RORA: variants seen among roughly 807,000 people sequenced by gnomAD.
The protein encoded by RORA is nuclear receptor ROR-alpha.
RORA carries 7 observed loss-of-function variants against 69.5 expected under a neutral mutation model. The ratio of observed to expected loss-of-function variants is 0.10; its 90% CI spans 0.06 to 0.19. RORA has a LOEUF of 0.19. RORA is among the 10% of genes least tolerant of loss of function. The pLI is 1.00. For missense variants in RORA, 457 were observed against 663.0 expected, an observed-to-expected ratio of 0.69 and a Z score of 3.41; for synonymous variants, 261 against 240.8, an observed-to-expected ratio of 1.08 and a Z score of -0.78.
At chr15:61,088,273 G>C (rs1046699441) in intron 1 of RORA, among the ~76,000 whole-genome samples, 1 of 152,212 alleles carries the variant, frequency 6.6e-6, no homozygotes, top group African/African-American at 2.4e-5. Flanking sequence ...CCTGTACAAA[G>C]TCTTGAAGGG....
At chr15:60,635,183 T>A (rs1201252974) in intron 2 of RORA, among the ~76,000 whole-genome samples, 5 of 152,210 alleles carry the variant, frequency 3.3e-5, no homozygotes, top group Non-Finnish European at 1.5e-5. Flanking sequence ...GCCCTCAAAT[T>A]GCAATTTAAG....
intron 2 of RORA, among the ~76,000 whole-genome samples, chr15:60,585,411 T>A (rs1308102749): frequency 6.6e-6 from 1 of 152,210 alleles, no homozygotes; most frequent in South Asian, 2.1e-4. Context: ...GATCTAACCA[T>A]AAATCTTCAG....
At chr15:60,748,316 AAAAAAAAAAC>A (rs1480898203) in intron 1 of RORA, among the ~76,000 whole-genome samples, 2 of 89,246 alleles carry the variant, frequency 2.2e-5, no homozygotes, top group Non-Finnish European at 5.0e-5. Flanking sequence ...AGCGAAAAAA[AAAAAAAAAAC>A]ACACACACAT....
At chr15:60,933,119 G>A (rs998168695) in intron 1 of RORA, among the ~76,000 whole-genome samples, 2 of 152,114 alleles carry the variant, frequency 1.3e-5, no homozygotes, top group African/African-American at 4.8e-5. Context: ...TGGGCCTCAA[G>A]TATTACCCAT....
At chr15:60,880,447 G>A (rs572940438) in intron 1 of RORA, among the ~76,000 whole-genome samples, 3 of 152,102 alleles carry the variant, frequency 2.0e-5, no homozygotes, top group East Asian at 3.9e-4. Context: ...GAGACCGTCC[G>A]GGCCAACACG....
intron 1 of RORA, among the ~76,000 whole-genome samples, chr15:60,900,238 T>A (rs60523084): frequency 0.13 from 18,395 of 146,212 alleles, 1,180 homozygotes; most frequent in Non-Finnish European, 0.15. Context: ...GTCACATCAT[T>A]AGGAGAAAAG....
chr15:61,172,879 T>C (rs1056930649), intron 1 of RORA, among the ~76,000 whole-genome samples: 9 of 152,184 alleles, frequency 5.9e-5, no homozygotes, highest in Non-Finnish European at 8.8e-5. Flanking sequence ...CTGCTGTAGA[T>C]GCTGTGTCCA....
At chr15:60,705,194 A>G (rs2071044215) in intron 1 of RORA, among the ~76,000 whole-genome samples, 2 of 152,014 alleles carry the variant, frequency 1.3e-5, no homozygotes, top group Admixed American at 6.6e-5. Context: ...GGTGGTTTTT[A>G]TTGTTATCCA....
At chr15:60,723,995 C>T (rs2071325691) in intron 1 of RORA, among the ~76,000 whole-genome samples, 1 of 152,184 alleles carries the variant, frequency 6.6e-6, no homozygotes, top group South Asian at 2.1e-4. Context: ...TGTTAATTCC[C>T]TTAAGGCTTA....
chr15:61,202,865 T>C (rs910396972), intron 1 of RORA, among the ~76,000 whole-genome samples: 1 of 152,180 alleles, frequency 6.6e-6, no homozygotes, highest in Non-Finnish European at 1.5e-5. Flanking sequence ...GGCTCTGAAT[T>C]TCCACTACCC....
intron 1 of RORA, among the ~76,000 whole-genome samples, chr15:61,050,328 C>T (rs1241006567): frequency 6.6e-6 from 1 of 152,176 alleles, no homozygotes; most frequent in African/African-American, 2.4e-5. Flanking sequence ...ACTTTGTCCT[C>T]TGAAATATAG....
At chr15:60,610,531 A>G (rs1236575984) in intron 2 of RORA, among the ~76,000 whole-genome samples, 1 of 152,196 alleles carries the variant, frequency 6.6e-6, no homozygotes, top group African/African-American at 2.4e-5. Context: ...AATCACGGTA[A>G]GGAGGTGAAA....
chr15:60,623,932 G>C (rs1417890558), intron 2 of RORA, among the ~76,000 whole-genome samples: 1 of 151,898 alleles, frequency 6.6e-6, no homozygotes, highest in Non-Finnish European at 1.5e-5. Context: ...TCTGAAATAT[G>C]AGATGATAGT....
intron 1 of RORA, among the ~76,000 whole-genome samples, chr15:60,702,193 G>A (rs2070992182): frequency 6.6e-6 from 1 of 152,006 alleles, no homozygotes; most frequent in Non-Finnish European, 1.5e-5. Flanking sequence ...AATAATGATG[G>A]TACTCTTCTC....
chr15:61,063,094 A>G (rs2078209423), intron 1 of RORA, among the ~76,000 whole-genome samples: 1 of 152,206 alleles, frequency 6.6e-6, no homozygotes, highest in Non-Finnish European at 1.5e-5. Flanking sequence ...ACACAACTGC[A>G]GTTGCCAGGC....
intron 2 of RORA, among the ~76,000 whole-genome samples, chr15:60,618,210 T>C (rs2069307818): frequency 6.6e-6 from 1 of 152,218 alleles, no homozygotes; most frequent in Non-Finnish European, 1.5e-5. Flanking sequence ...TCTAAGAATC[T>C]GACAGTAACA....
chr15:60,777,569 A>G (rs531381362), intron 1 of RORA, among the ~76,000 whole-genome samples: 5 of 152,336 alleles, frequency 3.3e-5, no homozygotes, highest in African/African-American at 1.2e-4. Flanking sequence ...AAATGTGATC[A>G]TTTCTGCGAG....
chr15:60,856,174 G>A (rs1462023417), intron 1 of RORA, among the ~76,000 whole-genome samples: 1 of 152,116 alleles, frequency 6.6e-6, no homozygotes, highest in African/African-American at 2.4e-5. Flanking sequence ...CTGATGAAGT[G>A]GAAAAGGAAA....
intron 1 of RORA, among the ~76,000 whole-genome samples, chr15:60,696,206 T>C (rs1479729349): frequency 6.6e-6 from 1 of 152,130 alleles, no homozygotes; most frequent in Non-Finnish European, 1.5e-5. Flanking sequence ...AGCTGTCCTA[T>C]CAGCTCGCTA....
Sources: gnomAD v4.1 joint callset for allele counts (sites outside exome capture counted in the v4.1 genomes callset) on GRCh38, gnomAD v4.1.1 for gene constraint, MANE v1.5 for transcripts, NCBI Gene and HGNC (gene_info 2026-07-23, HGNC 2026-07-21) for gene names.